The following TNFRSF11A variants were observed in gnomAD, a reference collection of about 807,000 sequenced individuals.
TNFRSF11A encodes TNF receptor superfamily member 11a, also known as tumor necrosis factor receptor superfamily member 11A.
In TNFRSF11A, 32 loss-of-function variants were observed where a neutral mutation model predicts 55.7. The ratio of observed to expected loss-of-function variants is 0.57; its 90% CI spans 0.43 to 0.77. The LOEUF is 0.77. Ranked by LOEUF, TNFRSF11A falls within the 30% of genes least tolerant of loss-of-function variation. The probability of loss-of-function intolerance (pLI) is 0.00; values close to 1 mark genes in which losing one functional copy is unlikely to be tolerated. For synonymous variants in TNFRSF11A, 311 were observed against 331.0 expected (o/e 0.94, Z 0.65); for missense variants, 753 against 809.8 (o/e 0.93, Z 0.85).
intron 1 of TNFRSF11A, among the ~76,000 whole-genome samples, chr18:62,335,517 C>T (rs1218813852): frequency 6.6e-6 from 1 of 152,172 alleles, no homozygotes; most frequent in African/African-American, 2.4e-5. Context: ...AGGTGGTGGG[C>T]ACCTGCCCCT....
chr18:62,352,327 A>G (rs1328824168), intron 3 of TNFRSF11A, among the ~76,000 whole-genome samples: 5 of 152,210 alleles, frequency 3.3e-5, no homozygotes, highest in African/African-American at 9.7e-5. Context: ...ATCCTTGTGT[A>G]TAGAAGTTTT....
intron 1 of TNFRSF11A, among the ~76,000 whole-genome samples, chr18:62,345,594 A>G (rs550859308): frequency 1.3e-5 from 2 of 152,208 alleles, no homozygotes; most frequent in Non-Finnish European, 2.9e-5. Flanking sequence ...TCAAGTAGAC[A>G]TGTCAGTTTT....
chr18:62,349,317 G>C (rs1235039227), intron 2 of TNFRSF11A, among the ~76,000 whole-genome samples: 1 of 151,998 alleles, frequency 6.6e-6, no homozygotes, highest in Non-Finnish European at 1.5e-5. Context: ...AAGTAGCTGG[G>C]ACTACAGTCA....
At chr18:62,333,928 C>T (rs2046192804) in intron 1 of TNFRSF11A, among the ~76,000 whole-genome samples, 1 of 151,890 alleles carries the variant, frequency 6.6e-6, no homozygotes, top group South Asian at 2.1e-4. Context: ...GCGGTGGTGC[C>T]ATCTTGGCTC....
At chr18:62,368,586 G>A (rs1910269550) in intron 8 of TNFRSF11A, 115 bp from the exon 9 acceptor site, 1 of 1,101,574 alleles carries the variant, frequency 9.1e-7, no homozygotes, top group Admixed American at 2.0e-5. Context: ...TTTTCCATCT[G>A]TACTTGTTAT....
At chr18:62,361,880 T>G in intron 7 of TNFRSF11A, 87 bp downstream of exon 7, 1 of 1,188,914 alleles carries the variant, frequency 8.4e-7, no homozygotes, top group Non-Finnish European at 1.3e-6. Context: ...GATTGTCTAC[T>G]TGCTGCCTAT....
At position 62,325,463 on chromosome 18, in the gene TNFRSF11A, C is replaced by G; in HGVS notation, c.75+36C>G. The G allele has an allele frequency of 8.1e-7, 1 of 1,228,456 alleles. No individual in the cohort carries two copies. Among genetic ancestry groups the G allele is most frequent in the Non-Finnish European group, 1.0e-6 (1 of 973,392 alleles). 76.1% of individuals were successfully genotyped at this position (1,228,456 alleles called of 1,614,324 possible). A position where few individuals can be genotyped will look rare whatever the true frequency, so the allele number is the denominator to read the frequency against. On this transcript the variant is annotated intron_variant, in intron 1 of 9. Transcript: ENST00000586569. This position sits in a 1 kb window ranked among gnomAD's most constrained non-coding sequence, Gnocchi z 4.7. ...CCCGCGCCTGCCGGGCCGCGCGGCC[C>G]GACGCCTCCTCGGGAGCCCCGGGAA...
At chr18:62,375,195 C>A (rs1012122551) in intron 9 of TNFRSF11A, among the ~76,000 whole-genome samples, 1 of 151,980 alleles carries the variant, frequency 6.6e-6, no homozygotes, top group African/African-American at 2.4e-5. Flanking sequence ...TAGTCCCAGC[C>A]ACTCAGGAGG....
At chr18:62,329,703 T>G (rs1389704385) in intron 1 of TNFRSF11A, among the ~76,000 whole-genome samples, 1 of 152,142 alleles carries the variant, frequency 6.6e-6, no homozygotes, top group African/African-American at 2.4e-5. Flanking sequence ...GGAGCAAGAT[T>G]ACGCACAGCC....
chr18:62,383,572 T>A lies in TNFRSF11A; in HGVS notation c.1568-1179T>A, dbSNP rs1416200089. Among the ~76,000 whole-genome samples, 1 of 152,172 alleles carries A rather than the reference T, an allele frequency of 6.6e-6. No homozygotes were observed. Among genetic ancestry groups the A allele is most frequent in the Non-Finnish European group, 1.5e-5 (1 of 68,040 alleles). On this transcript the variant is annotated intron_variant, in intron 9 of 9. Coordinates refer to ENST00000586569, the MANE Select transcript of TNFRSF11A (RefSeq NM_003839.4). This position sits in a 1 kb window ranked among gnomAD's most constrained non-coding sequence, Gnocchi z 4.2. ...GTGATGCTGAGTGTTGGGGTGTTTC[T>A]AGATCTGCTTGGTTTGTGGCACTTT...
chr18:62,354,317 T>A (rs1909069754), intron 3 of TNFRSF11A, 74 bp from the exon 4 acceptor site: 3 of 1,464,398 alleles, frequency 2.0e-6, no homozygotes, highest in Non-Finnish European at 1.8e-6. Context: ...GGATGTTGGA[T>A]AGCGCAGTCG....
chr18:62,350,123 A>G (rs1024531611), intron 3 of TNFRSF11A, among the ~76,000 whole-genome samples, 186 bp downstream of exon 3: 4 of 152,196 alleles, frequency 2.6e-5, no homozygotes, highest in African/African-American at 9.7e-5. Flanking sequence ...CTTCATTTAG[A>G]ACATTTGTTC....
chr18:62,350,786 A>C (rs1354221789), intron 3 of TNFRSF11A, among the ~76,000 whole-genome samples: 1 of 152,082 alleles, frequency 6.6e-6, no homozygotes, highest in Non-Finnish European at 1.5e-5. Context: ...TTTAAAGTAT[A>C]GTTTATTTGA....
Position 62,325,433 on chromosome 18 carries a change from G to A in TNFRSF11A, c.75+6G>A. 10 of 1,260,322 alleles carry A rather than the reference G, an allele frequency of 7.9e-6. No homozygotes were observed. The highest frequency in any genetic ancestry group is 9.1e-6 in the Non-Finnish European group (9 of 989,964). The allele number at this position is 1,260,322 out of a possible 1,614,324, so 78.1% of individuals were successfully genotyped here. A position where few individuals can be genotyped will look rare whatever the true frequency, so the allele number is the denominator to read the frequency against. On this transcript the variant is annotated splice_donor_region_variant and intron_variant, in intron 1 of 9. Coordinates refer to ENST00000586569, the MANE Select transcript of TNFRSF11A (RefSeq NM_003839.4). The surrounding 1 kb of genome is among the most constrained non-coding windows in gnomAD (Gnocchi z 4.7). ...CGCTGCTCGCCCGGCTGCAGGTAAG[G>A]AGCGCCCGCGCCTGCCGGGCCGCGC...
At chr18:62,340,890 C>T (rs531938323) in intron 1 of TNFRSF11A, among the ~76,000 whole-genome samples, 1 of 152,318 alleles carries the variant, frequency 6.6e-6, no homozygotes, top group Admixed American at 6.5e-5. Flanking sequence ...AAACACTGCC[C>T]CTTTATCCTC....
In TNFRSF11A at chr18:62,385,482, C is replaced by CT. The variant is rs201967901; in HGVS notation, c.*458dup. The CT allele has an allele frequency of 8.3e-4, 125 of 150,896 alleles. No individual in the cohort carries two copies. The highest frequency in any genetic ancestry group is 1.5e-3 in the African/African-American group (62 of 40,602). 9.3% of individuals were successfully genotyped at this position (150,896 alleles called of 1,614,324 possible). A position where few individuals can be genotyped will look rare whatever the true frequency, so the allele number is the denominator to read the frequency against. On this transcript the variant is annotated 3_prime_UTR_variant, in exon 10 of 10. Transcript: ENST00000586569. ...GAGGGTCTCTTTCTTTTCTCTTTTCCTTTTTTTTTTCTTTTTTTGGCAACC... is the reference window on the plus strand; with the variant it reads ...GAGGGTCTCTTTCTTTTCTCTTTTCCTTTTTTTTTTTCTTTTTTTGGCAACC...
At chr18:62,361,573 C>G (rs562883523) in intron 6 of TNFRSF11A, 107 bp from the exon 7 acceptor site, 3 of 1,139,266 alleles carry the variant, frequency 2.6e-6, no homozygotes, top group Non-Finnish European at 4.0e-6. Context: ...TCTGCTATCC[C>G]AGACCAACAT....
At chr18:62,366,811 C>T (rs762820668) in intron 8 of TNFRSF11A, 51 bp downstream of exon 8, 2 of 1,571,080 alleles carry the variant, frequency 1.3e-6, no homozygotes, top group South Asian at 2.2e-5. Context: ...AACAGTTAGG[C>T]TGGTAGAGCC....
At chr18:62,342,154 A>C (rs2046320632) in intron 1 of TNFRSF11A, among the ~76,000 whole-genome samples, 1 of 151,810 alleles carries the variant, frequency 6.6e-6, no homozygotes, top group Non-Finnish European at 1.5e-5. Context: ...TAATCCCAGC[A>C]CTTTGGGAGG....
Sources: allele counts gnomAD v4.1 joint callset (sites outside exome capture counted in the v4.1 genomes callset), GRCh38; gene constraint gnomAD v4.1.1; non-coding constraint Gnocchi (gnomAD v3.1); transcripts MANE v1.5; gene names NCBI Gene and HGNC (gene_info 2026-07-23, HGNC 2026-07-21).